Variants in RAP1A observed in about 807,000 individuals in gnomAD.
RAP1A encodes the protein RAP1A, member of RAS oncogene family.
RAP1A carries 6 observed loss-of-function variants against 26.4 expected under a neutral mutation model. That is an observed-to-expected ratio of 0.23 (90% CI 0.12 to 0.45). The LOEUF (loss-of-function observed/expected upper bound fraction) is 0.45, where lower values mean the gene tolerates loss of function less well. Among genes scored for constraint, RAP1A ranks in the 20% least tolerant of loss-of-function variants. RAP1A has a pLI of 0.99. For synonymous variants in RAP1A, 73 were observed against 79.4 expected (o/e 0.92, Z 0.43); for missense variants, 121 against 217.2 (o/e 0.56, Z 2.78).
intron 1 of RAP1A, among the ~76,000 whole-genome samples, chr1:111,572,473 T>A (rs1658069061): frequency 6.6e-6 from 1 of 152,240 alleles, no homozygotes; most frequent in Non-Finnish European, 1.5e-5. Context: ...ATGCTTGAGA[T>A]GTTCCATTTA....
intron 1 of RAP1A, among the ~76,000 whole-genome samples, chr1:111,574,563 T>C (rs1163953901): frequency 6.6e-6 from 1 of 152,246 alleles, no homozygotes; most frequent in Non-Finnish European, 1.5e-5. Context: ...GCCATTTTAA[T>C]GATATTGATT....
intron 1 of RAP1A, among the ~76,000 whole-genome samples, chr1:111,655,658 CTTTT>C (rs34266778): frequency 7.0e-5 from 6 of 85,130 alleles, no homozygotes; most frequent in Admixed American, 1.6e-4. Flanking sequence ...TGTTCATAGT[CTTTT>C]TTTTTTTTTT....
chr1:111,610,854 C>A (rs975262274), intron 1 of RAP1A, among the ~76,000 whole-genome samples: 1 of 152,006 alleles, frequency 6.6e-6, no homozygotes, highest in South Asian at 2.1e-4. Flanking sequence ...CTCTATTGTC[C>A]CTCATATTAT....
intron 1 of RAP1A, among the ~76,000 whole-genome samples, chr1:111,629,363 A>T (rs1659500475): frequency 1.3e-5 from 2 of 152,282 alleles, no homozygotes; most frequent in South Asian, 4.1e-4. Context: ...TTTCCACTTG[A>T]CTGAATAATA....
intron 1 of RAP1A, among the ~76,000 whole-genome samples, chr1:111,558,902 T>C (rs76726369): frequency 0.012 from 1,772 of 152,258 alleles, 39 homozygotes; most frequent in African/African-American, 0.041. Flanking sequence ...ATCCAACTGA[T>C]TATATGTAAA....
chr1:111,697,704 G>C (rs569035509), intron 4 of RAP1A, among the ~76,000 whole-genome samples: 1 of 152,198 alleles, frequency 6.6e-6, no homozygotes, highest in Admixed American at 6.5e-5. Context: ...GTAATAATCT[G>C]TGTGTTGGGT....
At chr1:111,655,330 G>T (rs1369267302) in intron 1 of RAP1A, among the ~76,000 whole-genome samples, 1 of 150,314 alleles carries the variant, frequency 6.7e-6, no homozygotes, top group African/African-American at 2.4e-5. Context: ...CAATATCTGA[G>T]GGAAAACGGG....
intron 1 of RAP1A, among the ~76,000 whole-genome samples, chr1:111,592,698 C>G (rs1410601696): frequency 6.6e-6 from 1 of 152,148 alleles, no homozygotes; most frequent in Non-Finnish European, 1.5e-5. Flanking sequence ...AAGTTTTAAT[C>G]AAAGCACTGT....
intron 1 of RAP1A, among the ~76,000 whole-genome samples, chr1:111,639,776 G>A (rs1659840148): frequency 6.6e-6 from 1 of 152,130 alleles, no homozygotes; most frequent in Non-Finnish European, 1.5e-5. Context: ...AGCCTCCCTT[G>A]GAGTTGAATT....
At chr1:111,681,784 T>TA (rs1405652130) in intron 1 of RAP1A, among the ~76,000 whole-genome samples, 1 of 152,082 alleles carries the variant, frequency 6.6e-6, no homozygotes, top group Non-Finnish European at 1.5e-5. Context: ...TCCAGGATAT[T>TA]ATCCAGAACT....
At chr1:111,564,649 AC>A (rs1410738142) in intron 1 of RAP1A, among the ~76,000 whole-genome samples, 1 of 151,298 alleles carries the variant, frequency 6.6e-6, no homozygotes, top group Non-Finnish European at 1.5e-5. Flanking sequence ...AGTAGCTGGG[AC>A]CACAGGCGCC....
intron 1 of RAP1A, among the ~76,000 whole-genome samples, chr1:111,609,822 G>T (rs2101079117): frequency 6.6e-6 from 1 of 152,230 alleles, no homozygotes; most frequent in Non-Finnish European, 1.5e-5. Context: ...TTTTAGTAGA[G>T]ATGGGTTTCA....
intron 4 of RAP1A, among the ~76,000 whole-genome samples, chr1:111,697,889 A>G (rs573120770): frequency 6.6e-6 from 1 of 152,246 alleles, no homozygotes; most frequent in Non-Finnish European, 1.5e-5. Flanking sequence ...TGACATCTCA[A>G]GGGGCTGGTG....
rs1661873210 is a variant in RAP1A, at chr1:111,697,511, C to G, written c.183+14C>G. On this transcript the variant is annotated intron_variant, in intron 4 of 7. Coordinates refer to ENST00000369709, the MANE Select transcript of RAP1A (RefSeq NM_002884.4). ...ACTGCAGGGACAGTAAGGATGTTTTCTCTTTTTTTGATAGATTTTAATTTG... is the reference window on the plus strand; with the variant it reads ...ACTGCAGGGACAGTAAGGATGTTTTGTCTTTTTTTGATAGATTTTAATTTG... 1 of 1,604,496 alleles carries G rather than the reference C, an allele frequency of 6.2e-7. No individual in the cohort carries two copies. The highest frequency in any genetic ancestry group is 1.4e-5 in the African/African-American group (1 of 73,906).
intron 1 of RAP1A, among the ~76,000 whole-genome samples, chr1:111,624,179 T>A (rs1659318973): frequency 6.6e-6 from 1 of 152,190 alleles, no homozygotes; most frequent in Non-Finnish European, 1.5e-5. Context: ...TTCCAAGAAT[T>A]TTTTGCTTAT....
upstream of RAP1A, among the ~76,000 whole-genome samples, chr1:111,618,312 C>G (rs1659058262): frequency 6.6e-6 from 1 of 152,196 alleles, no homozygotes; most frequent in South Asian, 2.1e-4. Context: ...TTCAAATTCT[C>G]AGTCCTTATC....
chr1:111,637,314 T>C (rs997111214), intron 1 of RAP1A, among the ~76,000 whole-genome samples: 1 of 152,240 alleles, frequency 6.6e-6, no homozygotes, highest in Non-Finnish European at 1.5e-5. Context: ...CCAAGTTCAC[T>C]GTAGAAAAAA....
At chr1:111,707,836 A>C (rs1662243593) in intron 6 of RAP1A, among the ~76,000 whole-genome samples, 1 of 152,168 alleles carries the variant, frequency 6.6e-6, no homozygotes, top group African/African-American at 2.4e-5. Context: ...TGTCTTTGAT[A>C]CTTTGCACTT....
At position 111,606,203 on chromosome 1, in the gene RAP1A, T is replaced by C. The variant is rs371597210; in HGVS notation, c.-28+63694T>C. On this transcript the variant is annotated intron_variant, in intron 1 of 7. Transcript: ENST00000356415. ...CTGTTTCTCAGAAACTCTCTCTGAATCTATTTAACTTTTATAGTCCTGGAT... is the reference window on the plus strand; with the variant it reads ...CTGTTTCTCAGAAACTCTCTCTGAACCTATTTAACTTTTATAGTCCTGGAT... 6.6e-5 allele frequency among the ~76,000 whole-genome samples: 10 copies of C among 152,314 alleles called. No homozygotes were observed. The South Asian group carries it at 2.1e-3, about 32-fold the overall frequency.
Sources: gnomAD v4.1 joint callset for allele counts (sites outside exome capture counted in the v4.1 genomes callset) on GRCh38, gnomAD v4.1.1 for gene constraint, MANE v1.5 for transcripts, NCBI Gene and HGNC (gene_info 2026-07-23, HGNC 2026-07-21) for gene names.